DPF3: variants seen among roughly 807,000 people sequenced by gnomAD.
DPF3 encodes zinc finger protein DPF3.
DPF3 carries 18 observed loss-of-function variants against 56.8 expected under a neutral mutation model. The observed-to-expected ratio is 0.32, with a 90% CI of 0.22 to 0.47. The LOEUF (loss-of-function observed/expected upper bound fraction) is 0.47, where lower values mean the gene tolerates loss of function less well. Among genes scored for constraint, DPF3 ranks in the 20% least tolerant of loss-of-function variants. The pLI, the probability that DPF3 is intolerant of heterozygous loss-of-function variation, is 1.00. For missense variants in DPF3, 403 were observed against 488.8 expected, an observed-to-expected ratio of 0.82 and a Z score of 1.65; for synonymous variants, 188 against 180.2, an observed-to-expected ratio of 1.04 and a Z score of -0.35.
At chr14:72,704,141 G>A (rs1395604708) in intron 6 of DPF3, among the ~76,000 whole-genome samples, 1 of 152,180 alleles carries the variant, frequency 6.6e-6, no homozygotes, top group African/African-American at 2.4e-5. Context: ...TCAAATCCTA[G>A]CTTTCTGACT....
chr14:72,635,141 T>C (rs1338671799), intron 8 of DPF3, among the ~76,000 whole-genome samples: 2 of 152,210 alleles, frequency 1.3e-5, no homozygotes, highest in Admixed American at 1.3e-4. Context: ...ATGGCCACTA[T>C]GTATGGGAGA....
intron 8 of DPF3, among the ~76,000 whole-genome samples, chr14:72,650,590 C>T (rs898350952): frequency 6.6e-6 from 1 of 152,318 alleles, no homozygotes; most frequent in Admixed American, 6.5e-5. Context: ...CCAACACAGC[C>T]TCATCTGGAG....
At chr14:72,887,360 C>T (rs543131014) in intron 1 of DPF3, among the ~76,000 whole-genome samples, 10 of 152,052 alleles carry the variant, frequency 6.6e-5, no homozygotes, top group Non-Finnish European at 1.3e-4. Context: ...AAAGGAAGAG[C>T]CAGAGGAAAA....
At chr14:72,872,553 C>A (rs193032003) in intron 1 of DPF3, among the ~76,000 whole-genome samples, 1 of 152,128 alleles carries the variant, frequency 6.6e-6, no homozygotes, top group Non-Finnish European at 1.5e-5. Flanking sequence ...ACTTTCTTCA[C>A]GGAATTGGAA....
intron 6 of DPF3, among the ~76,000 whole-genome samples, chr14:72,709,135 G>A (rs894065955): frequency 1.3e-5 from 2 of 152,240 alleles, no homozygotes; most frequent in Non-Finnish European, 2.9e-5. Flanking sequence ...CACTGGGTGT[G>A]GCAACACACT....
In DPF3 at chr14:72,885,043, G is replaced by A. The variant is rs1219763092; in HGVS notation, c.32+9014C>T. On this transcript the variant is annotated intron_variant, in intron 1 of 10. Transcript: ENST00000556509. ...CTGAGCCCGGGGAATGGGGAATGGC[G>A]TGAACCCGGGAGGTGGAGCTTGCAG... is the stretch of plus-strand genomic sequence containing the variant. Among the ~76,000 whole-genome samples, 9 of 139,758 alleles carry A rather than the reference G, an allele frequency of 6.4e-5. No homozygotes were observed. The East Asian group carries it at 1.5e-3, about 24-fold the overall frequency. 91.7% of individuals were successfully genotyped at this position (139,758 alleles called of 152,430 possible). A position where few individuals can be genotyped will look rare whatever the true frequency, so the allele number is the denominator to read the frequency against.
chr14:72,769,510 T>A (rs1330959207), intron 2 of DPF3, among the ~76,000 whole-genome samples: 1 of 151,992 alleles, frequency 6.6e-6, no homozygotes, highest in Non-Finnish European at 1.5e-5. Context: ...TGAAACCCCA[T>A]CTCTGCTAAA....
chr14:72,624,386 T>C (rs950529942), intron 9 of DPF3, among the ~76,000 whole-genome samples: 1 of 132,686 alleles, frequency 7.5e-6, no homozygotes, highest in Non-Finnish European at 1.6e-5. Context: ...TTGCCCAAAC[T>C]GGAGTGCAGT....
intron 7 of DPF3, among the ~76,000 whole-genome samples, chr14:72,683,041 T>C (rs1045555140): frequency 6.6e-6 from 1 of 152,104 alleles, no homozygotes; most frequent in African/African-American, 2.4e-5. Flanking sequence ...AAATGCAAAT[T>C]CCCAGTCAGG....
intron 8 of DPF3, among the ~76,000 whole-genome samples, chr14:72,659,357 C>T (rs969339204): frequency 6.6e-6 from 1 of 152,128 alleles, no homozygotes; most frequent in Non-Finnish European, 1.5e-5. Context: ...TGTACTTTTG[C>T]CCTCCCTCTT....
At chr14:72,681,336 T>C (rs1468392828) in intron 7 of DPF3, among the ~76,000 whole-genome samples, 1 of 152,110 alleles carries the variant, frequency 6.6e-6, no homozygotes, top group East Asian at 1.9e-4. Context: ...AAGAAAGCTG[T>C]GGTGTGGAAA....
intron 1 of DPF3, among the ~76,000 whole-genome samples, chr14:72,883,396 A>G (rs1424908208): frequency 1.3e-5 from 2 of 152,212 alleles, no homozygotes; most frequent in African/African-American, 4.8e-5. Flanking sequence ...GTTTGAGGCC[A>G]CAGTGAGCTG....
At chr14:72,740,149 T>A (rs1348373337) in intron 3 of DPF3, among the ~76,000 whole-genome samples, 1 of 152,132 alleles carries the variant, frequency 6.6e-6, no homozygotes, top group East Asian at 1.9e-4. Context: ...AGCCGGCCCA[T>A]CTGCCTGGAG....
chr14:72,892,124 G>C, intron 1 of DPF3: 1 of 1,526,108 alleles, frequency 6.6e-7, no homozygotes, highest in Non-Finnish European at 8.8e-7. Context: ...ACTAGGGTAC[G>C]GCTTTCCCAG....
At chr14:72,860,481 G>A (rs936336132) in intron 1 of DPF3, among the ~76,000 whole-genome samples, 12 of 151,952 alleles carry the variant, frequency 7.9e-5, no homozygotes, top group East Asian at 5.8e-4. Flanking sequence ...CACCACACCC[G>A]GCCCTTTATT....
chr14:72,869,906 A>T (rs185998203), intron 1 of DPF3, among the ~76,000 whole-genome samples: 5 of 152,118 alleles, frequency 3.3e-5, no homozygotes, highest in Admixed American at 1.3e-4. Context: ...GATGGGGGGT[A>T]GGGTGAGCAG....
intron 8 of DPF3, among the ~76,000 whole-genome samples, chr14:72,640,824 G>C (rs1885537915): frequency 6.6e-6 from 1 of 152,222 alleles, no homozygotes; most frequent in South Asian, 2.1e-4. Flanking sequence ...GACCAGGCTA[G>C]AGATATAAAT....
chr14:72,766,445 C>T (rs1891290703), intron 2 of DPF3, among the ~76,000 whole-genome samples: 1 of 152,156 alleles, frequency 6.6e-6, no homozygotes, highest in Non-Finnish European at 1.5e-5. Flanking sequence ...AGCTATCTAA[C>T]TATCTAGCTA....
chr14:72,705,118 C>T (rs879371341), intron 6 of DPF3, among the ~76,000 whole-genome samples: 5 of 152,272 alleles, frequency 3.3e-5, no homozygotes, highest in East Asian at 1.9e-4. Flanking sequence ...ATGTGAGTGG[C>T]GGGCAGGCAA....
Sources: gnomAD v4.1 joint callset for allele counts (sites outside exome capture counted in the v4.1 genomes callset) on GRCh38, gnomAD v4.1.1 for gene constraint, MANE v1.5 for transcripts, NCBI Gene and HGNC (gene_info 2026-07-23, HGNC 2026-07-21) for gene names.